KCNN2: variants seen among roughly 807,000 people sequenced by gnomAD.
The protein encoded by KCNN2 is small conductance calcium-activated potassium channel protein 2.
A neutral mutation model predicts 55.5 loss-of-function variants in KCNN2; 24 were observed. The observed-to-expected ratio is 0.43, with a 90% confidence interval of 0.31 to 0.61. The LOEUF (loss-of-function observed/expected upper bound fraction) is 0.61. Among genes scored for constraint, KCNN2 ranks in the 20% least tolerant of loss-of-function variants. The pLI is 0.08. For missense variants in KCNN2, 754 were observed against 853.6 expected, an observed-to-expected ratio of 0.88 and a Z score of 1.45; for synonymous variants, 431 against 336.1, an observed-to-expected ratio of 1.28 and a Z score of -3.09.
chr5:114,281,971 C>G (rs1373945270), intron 2 of KCNN2, among the ~76,000 whole-genome samples: 2 of 151,666 alleles, frequency 1.3e-5, no homozygotes, highest in Non-Finnish European at 2.9e-5. Context: ...AGTTAGGGTG[C>G]TATAGTTTTT....
rs982165511 is a variant in KCNN2, at chr5:114,486,476, T to C, written c.1891-574T>C. On this transcript the variant is annotated intron_variant, in intron 5 of 7. Coordinates refer to ENST00000673685, the MANE Select transcript of KCNN2 (RefSeq NM_021614.4). ...CCCATCCATTTGAAATACAGTGTAC[T>C]TAAATTTCCAACAAAATCATAACGT... Among the ~76,000 whole-genome samples, 4 of 152,188 alleles carry C rather than the reference T, an allele frequency of 2.6e-5. No individual in the cohort carries two copies. The East Asian group carries it at 7.7e-4, about 29-fold the overall frequency.
chr5:114,339,618 C>A (rs925821528), intron 2 of KCNN2, among the ~76,000 whole-genome samples: 8 of 151,808 alleles, frequency 5.3e-5, no homozygotes, highest in Non-Finnish European at 1.2e-4. Context: ...CCTTGGGCAA[C>A]ATGGAGAAAC....
intron 1 of KCNN2, among the ~76,000 whole-genome samples, chr5:114,163,507 A>C (rs1197491890): frequency 1.3e-5 from 2 of 152,158 alleles, no homozygotes; most frequent in South Asian, 2.1e-4. Context: ...ATGGATATTG[A>C]ATTTTATCAA....
chr5:114,220,139 A>C (rs183285422), intron 1 of KCNN2, among the ~76,000 whole-genome samples: 1 of 152,276 alleles, frequency 6.6e-6, no homozygotes, highest in Non-Finnish European at 1.5e-5. Context: ...TGTAAAACAA[A>C]GTTCTGAATG....
At chr5:114,159,236 C>T (rs1047384666) in intron 1 of KCNN2, among the ~76,000 whole-genome samples, 9 of 152,166 alleles carry the variant, frequency 5.9e-5, no homozygotes, top group Non-Finnish European at 7.4e-5. Flanking sequence ...TTGTCAAAGG[C>T]CTTTTCTGCA....
chr5:114,449,457 GCA>G (rs1489974444), intron 3 of KCNN2, among the ~76,000 whole-genome samples: 1 of 152,160 alleles, frequency 6.6e-6, no homozygotes, highest in African/African-American at 2.4e-5. Context: ...TGAATATAGA[GCA>G]CACAGTCTGT....
In KCNN2 at chr5:114,107,778, A is replaced by G. The variant is rs952964006; in HGVS notation, c.-271+51278A>G. ...TTTTTATAGGAATTACATCAATTTT[A>G]TCTATCTATCTGTAAATTTGGAATC... On this transcript the variant is annotated intron_variant, in intron 1 of 10. Coordinates refer to the KCNN2 transcript ENST00000512097. Among the ~76,000 whole-genome samples the G allele has an allele frequency of 3.3e-5, 5 of 151,746 alleles. No individual in the cohort carries two copies. In the South Asian group the frequency reaches 8.3e-4, roughly 25 times the overall value.
chr5:114,130,325 C>G (rs1752046421), intron 1 of KCNN2, among the ~76,000 whole-genome samples: 1 of 152,114 alleles, frequency 6.6e-6, no homozygotes, highest in Admixed American at 6.5e-5. Flanking sequence ...AGCTTGCTTT[C>G]CAGTTACTTA....
At chr5:114,325,855 T>A (rs13173571) in intron 2 of KCNN2, among the ~76,000 whole-genome samples, 5 of 151,956 alleles carry the variant, frequency 3.3e-5, no homozygotes, top group African/African-American at 1.2e-4. Flanking sequence ...TAGAGTAAAT[T>A]TCCAGGAGTA....
intron 1 of KCNN2, among the ~76,000 whole-genome samples, chr5:114,098,963 A>G (rs1026477873): frequency 6.6e-6 from 1 of 152,156 alleles, no homozygotes; most frequent in African/African-American, 2.4e-5. Context: ...GGCTTAATCC[A>G]CAAATATCCC....
At chr5:114,109,363 ACAT>A in intron 1 of KCNN2, among the ~76,000 whole-genome samples, 1 of 152,204 alleles carries the variant, frequency 6.6e-6, no homozygotes, top group East Asian at 1.9e-4. Flanking sequence ...CAAGGAAGTA[ACAT>A]CTTAACAACT....
chr5:114,241,803 TACG>T (rs1754643962), intron 2 of KCNN2, among the ~76,000 whole-genome samples: 2 of 35,208 alleles, frequency 5.7e-5, no homozygotes, highest in African/African-American at 2.0e-4. Context: ...TGTATATATA[TACG>T]TATATATATA....
At chr5:114,355,616 G>T (rs1364005546) in intron 2 of KCNN2, among the ~76,000 whole-genome samples, 2 of 152,146 alleles carry the variant, frequency 1.3e-5, no homozygotes, top group Non-Finnish European at 2.9e-5. Context: ...CTCACTCTTT[G>T]GCATAAAAGG....
At chr5:114,342,458 A>C (rs1035052617) in intron 2 of KCNN2, among the ~76,000 whole-genome samples, 1 of 150,168 alleles carries the variant, frequency 6.7e-6, no homozygotes, top group African/African-American at 2.5e-5. Context: ...TATTGGAGGT[A>C]GGGTTGATGA....
At chr5:114,363,365 A>G in intron 1 of KCNN2, 104 bp downstream of exon 1, 1 of 1,368,338 alleles carries the variant, frequency 7.3e-7, no homozygotes, top group Non-Finnish European at 9.7e-7. Context: ...CCTCTCCGGG[A>G]CGATCAAGGG....
At chr5:114,271,578 C>T (rs1755336874) in intron 2 of KCNN2, among the ~76,000 whole-genome samples, 2 of 152,140 alleles carry the variant, frequency 1.3e-5, no homozygotes, top group African/African-American at 4.8e-5. Context: ...GGAAGTTTAA[C>T]CTGTAATAGG....
intron 2 of KCNN2, among the ~76,000 whole-genome samples, chr5:114,260,409 C>T (rs574627705): frequency 4.7e-4 from 71 of 152,176 alleles, no homozygotes; most frequent in African/African-American, 6.5e-4. Context: ...GGATAGTTTT[C>T]CTCTAGACTT....
intron 3 of KCNN2, among the ~76,000 whole-genome samples, chr5:114,455,389 A>ATCCTCT (rs1200773704): frequency 6.6e-6 from 1 of 152,204 alleles, no homozygotes; most frequent in Non-Finnish European, 1.5e-5. Flanking sequence ...AATCAAGCCC[A>ATCCTCT]TAAGAGAAGG....
intron 1 of KCNN2, among the ~76,000 whole-genome samples, chr5:114,131,351 A>G (rs576816339): frequency 1.9e-4 from 29 of 152,210 alleles, no homozygotes; most frequent in African/African-American, 6.7e-4. Flanking sequence ...CTCATTGTTC[A>G]GCTCCCACTT....
Sources: gnomAD v4.1 joint callset for allele counts (sites outside exome capture counted in the v4.1 genomes callset) on GRCh38, gnomAD v4.1.1 for gene constraint, MANE v1.5 for transcripts, NCBI Gene and HGNC (gene_info 2026-07-23, HGNC 2026-07-21) for gene names.